Variants in OLFM2 observed in about 807,000 individuals in gnomAD.
The protein encoded by OLFM2 is noelin-2.
Under a neutral mutation model 43.9 loss-of-function variants are expected in OLFM2, and 20 were observed. The observed-to-expected ratio is 0.46, with a 90% CI of 0.32 to 0.66. The LOEUF is 0.66. Among genes scored for constraint, OLFM2 ranks in the 30% least tolerant of loss-of-function variants. The pLI, the probability that OLFM2 is intolerant of heterozygous loss-of-function variation, is 0.04. For synonymous variants in OLFM2, 268 were observed against 278.6 expected, an observed-to-expected ratio of 0.96 and a Z score of 0.38; for missense variants, 416 against 643.6, an observed-to-expected ratio of 0.65 and a Z score of 3.83.
chr19:9,864,702 GCC>G, intron 1 of OLFM2, among the ~76,000 whole-genome samples: 1 of 150,986 alleles, frequency 6.6e-6, no homozygotes, highest in African/African-American at 2.4e-5. Flanking sequence ...GCTTACTGCA[GCC>G]TCGAACTCCT....
At chr19:9,915,747 T>C (rs1036315733) in intron 1 of OLFM2, among the ~76,000 whole-genome samples, 1 of 151,788 alleles carries the variant, frequency 6.6e-6, no homozygotes, top group African/African-American at 2.4e-5. Context: ...CTCAATCTCC[T>C]GACTTCGTGA....
chr19:9,931,815 G>A (rs2086484552), intron 1 of OLFM2, among the ~76,000 whole-genome samples: 1 of 152,094 alleles, frequency 6.6e-6, no homozygotes, highest in South Asian at 2.1e-4. Flanking sequence ...GAGACCCTCT[G>A]GCTTTGGTCT....
chr19:9,921,744 CA>C (rs2086423037), intron 1 of OLFM2, among the ~76,000 whole-genome samples: 1 of 152,048 alleles, frequency 6.6e-6, no homozygotes, highest in Non-Finnish European at 1.5e-5. Context: ...CTCGGCCTCC[CA>C]AAATGCTAGG....
chr19:9,880,116 G>A (rs138900533), intron 1 of OLFM2, among the ~76,000 whole-genome samples: 129 of 152,110 alleles, frequency 8.5e-4, no homozygotes, highest in African/African-American at 2.5e-3. Context: ...CTCCCACCTC[G>A]GCCTCCCAAA....
At chr19:9,867,905 A>C (rs879351632) in intron 1 of OLFM2, among the ~76,000 whole-genome samples, 3 of 142,994 alleles carry the variant, frequency 2.1e-5, no homozygotes, top group Non-Finnish European at 3.1e-5. Flanking sequence ...CTAGAAAAAA[A>C]ATTTTTTTTT....
At chr19:9,909,527 CAGG>C (rs768791932) in intron 1 of OLFM2, among the ~76,000 whole-genome samples, 1 of 152,146 alleles carries the variant, frequency 6.6e-6, no homozygotes, top group Non-Finnish European at 1.5e-5. Context: ...TTCTGCAATT[CAGG>C]AGGAGGAAGC....
intron 1 of OLFM2, among the ~76,000 whole-genome samples, chr19:9,898,506 T>C (rs1453517892): frequency 2.7e-5 from 4 of 148,130 alleles, no homozygotes; most frequent in African/African-American, 1.0e-4. Flanking sequence ...TGAGCAACAA[T>C]GAGACTCCGT....
chr19:9,898,226 A>T (rs753711741), intron 1 of OLFM2, among the ~76,000 whole-genome samples: 23 of 149,624 alleles, frequency 1.5e-4, no homozygotes, highest in African/African-American at 4.2e-4. Flanking sequence ...TAATTTTTTT[A>T]AAAAAATTTT....
chr19:9,896,793 C>G (rs1305732891), intron 1 of OLFM2, among the ~76,000 whole-genome samples: 1 of 152,214 alleles, frequency 6.6e-6, no homozygotes, highest in Non-Finnish European at 1.5e-5. Flanking sequence ...TATTTATTTG[C>G]AACTACATAA....
chr19:9,891,268 G>T (rs111380591), intron 1 of OLFM2, among the ~76,000 whole-genome samples: 1 of 145,396 alleles, frequency 6.9e-6, no homozygotes, highest in African/African-American at 2.6e-5. Flanking sequence ...AGCCGAGATC[G>T]TGCCACTGCA....
chr19:9,876,041 C>T (rs2046484814), intron 1 of OLFM2, among the ~76,000 whole-genome samples: 1 of 152,132 alleles, frequency 6.6e-6, no homozygotes, highest in Non-Finnish European at 1.5e-5. Context: ...GGTCATCTCC[C>T]CGCCACCGAG....
intron 1 of OLFM2, among the ~76,000 whole-genome samples, chr19:9,896,986 G>A (rs534208056): frequency 6.6e-6 from 1 of 151,896 alleles, no homozygotes; most frequent in Non-Finnish European, 1.5e-5. Context: ...GAGCCCAGGA[G>A]TTCAAGACCA....
intron 1 of OLFM2, among the ~76,000 whole-genome samples, chr19:9,875,527 T>C (rs1288728374): frequency 6.6e-6 from 1 of 150,910 alleles, no homozygotes; most frequent in Non-Finnish European, 1.5e-5. Flanking sequence ...TTTTTTTTTT[T>C]TGAGACAGGC....
chr19:9,876,311 G>A (rs901735419), intron 1 of OLFM2, among the ~76,000 whole-genome samples: 5 of 152,178 alleles, frequency 3.3e-5, no homozygotes, highest in Non-Finnish European at 1.5e-5. Context: ...TTCCATGGCT[G>A]GCTGAGGCAT....
chr19:9,932,221 C>T (rs552187663), intron 1 of OLFM2, among the ~76,000 whole-genome samples: 5 of 151,622 alleles, frequency 3.3e-5, no homozygotes, highest in African/African-American at 4.8e-5. Context: ...GCACTTTGGG[C>T]GGCAGATCAC....
intron 1 of OLFM2, among the ~76,000 whole-genome samples, chr19:9,934,537 GGGT>G (rs1488277744): frequency 2.8e-5 from 4 of 144,798 alleles, no homozygotes; most frequent in Admixed American, 6.9e-5. Context: ...AAGCCACAGG[GGGT>G]GGTTCTCTGT....
chr19:9,921,214 T>A (rs1025934348), intron 1 of OLFM2, among the ~76,000 whole-genome samples: 1 of 152,128 alleles, frequency 6.6e-6, no homozygotes, highest in Admixed American at 6.6e-5. Context: ...CCTCCCTGGC[T>A]CAAGCGATCC....
At position 9,857,832 on chromosome 19, in the gene OLFM2, G is replaced by A. The variant is rs767439258; in HGVS notation, c.243C>T (p.Val81=). The change falls in exon 3 of 6, where the codon GTC becomes GTT. Residue 81 remains valine (V), a synonymous_variant. Coordinates refer to ENST00000264833, the MANE Select transcript of OLFM2 (RefSeq NM_058164.4). The surrounding 1 kb of genome is among the most constrained non-coding windows in gnomAD (Gnocchi z 5.7). The stretch of plus-strand genomic sequence containing the variant: ...GGTCGCGATACGTCCGCAACTCAAG[G>A]ACCTCCATGGACTGGGAGACGTTCT... ...KVQNVSQSME[V]LELRTYRDLQ... is the part of the protein sequence containing the mutation. The A allele has an allele frequency of 3.1e-6, 5 of 1,614,068 alleles. No homozygotes were observed. The highest frequency in any genetic ancestry group is 4.2e-6 in the Non-Finnish European group (5 of 1,180,018).
chr19:9,871,509 G>T (rs2046441836), intron 1 of OLFM2, among the ~76,000 whole-genome samples: 1 of 150,360 alleles, frequency 6.7e-6, no homozygotes, highest in African/African-American at 2.5e-5. Flanking sequence ...GGAGGCGAAG[G>T]TTGCAGTGAG....
Sources: allele counts gnomAD v4.1 joint callset (sites outside exome capture counted in the v4.1 genomes callset), GRCh38; gene constraint gnomAD v4.1.1; non-coding constraint Gnocchi (gnomAD v3.1); transcripts MANE v1.5; gene names NCBI Gene and HGNC (gene_info 2026-07-23, HGNC 2026-07-21).